The following SCRN1 variants were observed in gnomAD, a reference collection of about 807,000 sequenced individuals.
SCRN1 encodes the protein secernin 1.
In SCRN1, 19 loss-of-function variants were observed where a neutral mutation model predicts 43.3. The ratio of observed to expected loss-of-function variants is 0.44; its 90% CI spans 0.31 to 0.64. The LOEUF is 0.64. Among genes scored for constraint, SCRN1 ranks in the 30% least tolerant of loss-of-function variants. SCRN1 has a pLI of 0.09. For missense variants in SCRN1, 447 were observed against 524.1 expected (o/e 0.85, Z 1.44); for synonymous variants, 183 against 188.9 (o/e 0.97, Z 0.26).
Position 29,926,589 on chromosome 7 carries a change from C to G in SCRN1, c.949G>C (p.Val317Leu), listed in dbSNP as rs143374185. ...AAACAGGGAGACTGTGTTTTGGGGA[C>G]AAGTTTTACGTCATCAACAAAGATG... ...PFIFVDDVKL[V>L]PKTQSPCFGD... The change falls in exon 7 of 8, where the codon GTC (valine) becomes CTC (leucine). Residue 317 changes from valine to leucine, a missense_variant. Val to Leu is a conservative substitution (Grantham distance 32, BLOSUM62 1). Transcript: ENST00000242059. The G allele has an allele frequency of 6.2e-7, 1 of 1,614,054 alleles. No homozygotes were observed. The highest frequency in any genetic ancestry group is 1.3e-5 in the African/African-American group (1 of 74,996).
chr7:29,949,356 A>C (rs1413850957), intron 3 of SCRN1, among the ~76,000 whole-genome samples: 7 of 148,996 alleles, frequency 4.7e-5, no homozygotes, highest in African/African-American at 1.7e-4. Context: ...ACCAGAAAGT[A>C]ATTTCCCCTT....
intron 6 of SCRN1, among the ~76,000 whole-genome samples, chr7:29,931,965 TA>T (rs1474831849): frequency 3.9e-5 from 6 of 152,250 alleles, no homozygotes; most frequent in Middle Eastern, 3.4e-3. Flanking sequence ...ATACACCTTT[TA>T]TGTACCCACA....
chr7:29,988,650 G>GCACA (rs986087766), intron 1 of SCRN1: 1 of 152,228 alleles, frequency 6.6e-6, no homozygotes, highest in African/African-American at 2.4e-5. Context: ...GCGCACACGC[G>GCACA]CACACACACA....
At position 29,936,763 on chromosome 7, in the gene SCRN1, T is replaced by C. The variant is rs757785931; in HGVS notation, c.740-42A>G. On this transcript the variant is annotated intron_variant, in intron 5 of 7. Coordinates refer to ENST00000242059, the MANE Select transcript of SCRN1 (RefSeq NM_014766.5). The stretch of plus-strand genomic sequence containing the variant: ...GACAGACAAATGGAAAGAGTAGATA[T>C]AGGCCGGGCGCGGTGGCTCACGCCT... The C allele has an allele frequency of 5.5e-6, 8 of 1,463,896 alleles. No individual in the cohort carries two copies. In the South Asian group the frequency reaches 7.9e-5, roughly 14 times the overall value. 90.7% of individuals were successfully genotyped at this position (1,463,896 alleles called of 1,614,324 possible). A position where few individuals can be genotyped will look rare whatever the true frequency, so the allele number is the denominator to read the frequency against.
intron 1 of SCRN1, among the ~76,000 whole-genome samples, chr7:29,974,746 C>T (rs1057414026): frequency 6.8e-6 from 1 of 147,236 alleles, no homozygotes; most frequent in Admixed American, 6.9e-5. Context: ...TACAGTGGCG[C>T]GATCTTGGCT....
chr7:29,942,175 T>C (rs1258477905), intron 4 of SCRN1, among the ~76,000 whole-genome samples: 1 of 152,224 alleles, frequency 6.6e-6, no homozygotes, highest in Non-Finnish European at 1.5e-5. Flanking sequence ...TACTAAGTTA[T>C]TTTAAAAAAT....
intron 3 of SCRN1, among the ~76,000 whole-genome samples, chr7:29,945,054 G>A (rs560733612): frequency 2.5e-4 from 38 of 152,284 alleles, no homozygotes; most frequent in African/African-American, 8.2e-4. Context: ...ATTAGGAATG[G>A]GCAGCTGGTT....
intron 7 of SCRN1, 97 bp downstream of exon 7, chr7:29,926,355 G>A: frequency 4.5e-6 from 6 of 1,320,142 alleles, no homozygotes; most frequent in South Asian, 1.3e-5. Flanking sequence ...ATGGGTGGGG[G>A]TAGGGTCTAG....
chr7:29,955,214 G>A lies in SCRN1; in HGVS notation c.306C>T (p.Ala102=), dbSNP rs200067995. 7.4e-6 allele frequency: 12 copies of A among 1,614,084 alleles called. No individual in the cohort carries two copies. The highest frequency in any genetic ancestry group is 6.7e-5 in the Admixed American group (4 of 60,020). Reference sequence around the variant, plus strand: ...CCATCCCCAGCAAGGCTTCTATCTCGGCAGCTGGCTCTCTGGTGTTGATGG... The same window carrying A: ...CCATCCCCAGCAAGGCTTCTATCTCAGCAGCTGGCTCTCTGGTGTTGATGG... ...NEAINTREPA[A]EIEALLGMDL... Residue 102 remains alanine, a synonymous_variant, in exon 3 of 8, where the codon GCC becomes GCT. Transcript: ENST00000242059.
In SCRN1 at chr7:29,921,071, TCCCATCTATTAGA is replaced by T. The variant is rs1445917413; in HGVS notation, c.*2873_*2885del. On this transcript the variant is annotated 3_prime_UTR_variant, in exon 8 of 8. Transcript: ENST00000242059. ...GAGGGCTATCTTCACCTATAGTAAA[TCCCATCTATTAGA>T]CAAGACTAGCTAGCTTATGTTTGGT... The T allele has an allele frequency of 6.6e-6, 1 of 152,578 alleles. No homozygotes were observed. Among genetic ancestry groups the T allele is most frequent in the Non-Finnish European group, 1.5e-5 (1 of 68,040 alleles). 9.5% of individuals were successfully genotyped at this position (152,578 alleles called of 1,614,324 possible). A position where few individuals can be genotyped will look rare whatever the true frequency, so the allele number is the denominator to read the frequency against.
intron 6 of SCRN1, among the ~76,000 whole-genome samples, chr7:29,933,281 T>C (rs1465573206): frequency 6.6e-6 from 1 of 152,222 alleles, no homozygotes. Context: ...CTCAGTTTTA[T>C]GGCATTTGCC....
At chr7:29,981,833 G>GC (rs1788999786) in intron 1 of SCRN1, among the ~76,000 whole-genome samples, 1 of 152,324 alleles carries the variant, frequency 6.6e-6, no homozygotes, top group African/African-American at 2.4e-5. Context: ...TGTGGTCTTT[G>GC]CCATCCCTTC....
At chr7:29,948,684 A>G (rs1583667856) in intron 3 of SCRN1, among the ~76,000 whole-genome samples, 1 of 152,356 alleles carries the variant, frequency 6.6e-6, no homozygotes, top group East Asian at 1.9e-4. Context: ...GAAAAAAAAG[A>G]ATAAAGTAGT....
intron 2 of SCRN1, among the ~76,000 whole-genome samples, chr7:29,961,835 C>G (rs1029110045): frequency 3.9e-4 from 59 of 152,200 alleles, no homozygotes; most frequent in Non-Finnish European, 6.2e-4. Flanking sequence ...GCTGACCCCC[C>G]CACTGGAGGA....
At chr7:29,977,499 TTGG>T (rs1478650008) in intron 1 of SCRN1, among the ~76,000 whole-genome samples, 1 of 152,212 alleles carries the variant, frequency 6.6e-6, no homozygotes, top group East Asian at 1.9e-4. Context: ...TAATTAAAAA[TTGG>T]GATGTAAATG....
intron 4 of SCRN1, among the ~76,000 whole-genome samples, chr7:29,941,133 T>C (rs1161008948): frequency 6.6e-6 from 1 of 152,156 alleles, no homozygotes; most frequent in Admixed American, 6.5e-5. Context: ...AAAAGCATAA[T>C]CAACAGGAAA....
chr7:29,920,697 C>G lies in SCRN1; in HGVS notation c.*3260G>C, dbSNP rs1201364069. On this transcript the variant is annotated 3_prime_UTR_variant, in exon 8 of 8. Transcript: ENST00000242059. ...TTTCATGACAGACACACTGGTCCCACCCGGCTTCCCTGCTGAACCACCCAG... is the reference window on the plus strand; with the variant it reads ...TTTCATGACAGACACACTGGTCCCAGCCGGCTTCCCTGCTGAACCACCCAG... 2 of 152,244 alleles carry G rather than the reference C, an allele frequency of 1.3e-5. No individual in the cohort carries two copies. The highest frequency in any genetic ancestry group is 2.1e-4 in the South Asian group (1 of 4,832). 9.4% of individuals were successfully genotyped at this position (152,244 alleles called of 1,614,324 possible).
intron 2 of SCRN1, among the ~76,000 whole-genome samples, chr7:29,959,163 C>A: frequency 6.6e-6 from 1 of 152,290 alleles, no homozygotes; most frequent in Middle Eastern, 3.4e-3. Flanking sequence ...ACACAATAGA[C>A]GTTTCAATTA....
At chr7:29,963,614 A>G (rs1788399281) in intron 2 of SCRN1, among the ~76,000 whole-genome samples, 1 of 150,858 alleles carries the variant, frequency 6.6e-6, no homozygotes, top group South Asian at 2.1e-4. Flanking sequence ...TAAAAGCTTT[A>G]CCCTATGACC....
Sources: allele counts gnomAD v4.1 joint callset (sites outside exome capture counted in the v4.1 genomes callset), GRCh38; gene constraint gnomAD v4.1.1; transcripts MANE v1.5; gene names NCBI Gene and HGNC (gene_info 2026-07-23, HGNC 2026-07-21).